Variants in GRIN2A observed in about 807,000 individuals in gnomAD.
The protein encoded by GRIN2A is glutamate ionotropic receptor NMDA type subunit 2A.
GRIN2A carries 22 observed loss-of-function variants against 113.4 expected under a neutral mutation model. That is an observed-to-expected ratio of 0.19 (90% CI 0.14 to 0.28). The LOEUF (loss-of-function observed/expected upper bound fraction) is 0.28, where lower values mean the gene tolerates loss of function less well. Among genes scored for constraint, GRIN2A ranks in the 10% least tolerant of loss-of-function variants. The pLI, the probability that GRIN2A is intolerant of heterozygous loss-of-function variation, is 1.00. For missense variants in GRIN2A, 1,502 were observed against 1,887.0 expected (o/e 0.80, Z 3.78); for synonymous variants, 827 against 738.4 (o/e 1.12, Z -1.94).
chr16:9,993,909 G>A lies in GRIN2A; in HGVS notation c.415-55358C>T, dbSNP rs545926395. 2.6e-5 allele frequency among the ~76,000 whole-genome samples: 4 copies of A among 152,232 alleles called. No homozygotes were observed. The South Asian group carries it at 6.2e-4, about 24-fold the overall frequency. Reference sequence around the variant, plus strand: ...TGTTTTTGCTCCTGGCTCAGATTTCGGACACATCATTGTAATCCTCTGGTC... The same window carrying A: ...TGTTTTTGCTCCTGGCTCAGATTTCAGACACATCATTGTAATCCTCTGGTC... On this transcript the variant is annotated intron_variant, in intron 2 of 12. Transcript: ENST00000330684.
In GRIN2A at chr16:10,140,052, G is replaced by T. The variant is rs1287817302; in HGVS notation, c.414+39946C>A. Among the ~76,000 whole-genome samples the T allele has an allele frequency of 2.0e-5, 3 of 152,068 alleles. No homozygotes were observed. In the East Asian group the frequency reaches 5.8e-4, roughly 29 times the overall value. On this transcript the variant is annotated intron_variant, in intron 2 of 12. Coordinates refer to ENST00000330684, the MANE Select transcript of GRIN2A (RefSeq NM_001134407.3). Reference sequence around the variant, plus strand: ...TAAGGCCTGGCATAATTCAAATTCTGCCCTGTAATCAGGCTGTCCCAGGCA... The same window carrying T: ...TAAGGCCTGGCATAATTCAAATTCTTCCCTGTAATCAGGCTGTCCCAGGCA...
At chr16:9,853,133 G>A (rs1021702303) in intron 4 of GRIN2A, among the ~76,000 whole-genome samples, 5 of 152,170 alleles carry the variant, frequency 3.3e-5, no homozygotes, top group Admixed American at 6.5e-5. Flanking sequence ...GAGTTGCATC[G>A]TGGCAGTTGT....
intron 2 of GRIN2A, among the ~76,000 whole-genome samples, chr16:10,155,656 A>G (rs12185150): frequency 0.044 from 6,654 of 152,298 alleles, 238 homozygotes; most frequent in Middle Eastern, 0.071. Context: ...GGAGACTGGT[A>G]ACTTATAAGG....
At chr16:10,158,036 ACT>A (rs2142315108) in intron 2 of GRIN2A, among the ~76,000 whole-genome samples, 1 of 152,090 alleles carries the variant, frequency 6.6e-6, no homozygotes, top group South Asian at 2.1e-4. Flanking sequence ...ACAGGATCTC[ACT>A]CTGTCACCAA....
Position 9,968,084 on chromosome 16 carries a change from C to T in GRIN2A, c.415-29533G>A, listed in dbSNP as rs373933726. ...CAGTGGGTAGGCGTTATTATTGCAACGTGATTCTTACTCCCATTTTGCAGG... is the reference window on the plus strand; with the variant it reads ...CAGTGGGTAGGCGTTATTATTGCAATGTGATTCTTACTCCCATTTTGCAGG... On this transcript the variant is annotated intron_variant, in intron 2 of 12. Transcript: ENST00000330684. 9.2e-5 allele frequency among the ~76,000 whole-genome samples: 14 copies of T among 152,106 alleles called. No individual in the cohort carries two copies. The East Asian group carries it at 9.7e-4, about 11-fold the overall frequency.
chr16:10,023,762 CA>C (rs1231170259), intron 2 of GRIN2A, among the ~76,000 whole-genome samples: 1 of 152,222 alleles, frequency 6.6e-6, no homozygotes, highest in Non-Finnish European at 1.5e-5. Flanking sequence ...CAAGTCCACT[CA>C]TTTGCACTGG....
At chr16:9,844,445 G>T (rs998059248) in intron 5 of GRIN2A, among the ~76,000 whole-genome samples, 1 of 152,202 alleles carries the variant, frequency 6.6e-6, no homozygotes, top group Non-Finnish European at 1.5e-5. Context: ...GGGAACGTCT[G>T]TTGGTTCCTA....
intron 2 of GRIN2A, among the ~76,000 whole-genome samples, chr16:10,089,487 G>A (rs2048144868): frequency 6.6e-6 from 1 of 152,056 alleles, no homozygotes; most frequent in South Asian, 2.1e-4. Context: ...GTTCCAGGAG[G>A]GCAGTTGATA....
intron 2 of GRIN2A, among the ~76,000 whole-genome samples, chr16:10,140,342 A>G (rs1324438747): frequency 6.6e-6 from 1 of 152,114 alleles, no homozygotes; most frequent in Non-Finnish European, 1.5e-5. Context: ...AAGGTGAGGA[A>G]CTTCAGAAGA....
intron 2 of GRIN2A, among the ~76,000 whole-genome samples, chr16:10,029,195 T>A (rs2046881349): frequency 6.8e-6 from 1 of 146,308 alleles, no homozygotes; most frequent in Non-Finnish European, 1.5e-5. Context: ...TTGCACACAC[T>A]TTTTTTTTTT....
intron 4 of GRIN2A, among the ~76,000 whole-genome samples, chr16:9,872,290 G>A (rs2043278805): frequency 6.6e-6 from 1 of 152,140 alleles, no homozygotes; most frequent in South Asian, 2.1e-4. Flanking sequence ...ACCCCAAACA[G>A]CTCAGCTCCT....
chr16:9,908,181 C>T (rs896810626), intron 3 of GRIN2A, among the ~76,000 whole-genome samples: 4 of 152,096 alleles, frequency 2.6e-5, no homozygotes, highest in Admixed American at 2.0e-4. Context: ...GTTTCACACC[C>T]GGACATGGAT....
intron 2 of GRIN2A, among the ~76,000 whole-genome samples, chr16:9,974,876 G>A (rs368841747): frequency 2.6e-5 from 4 of 152,136 alleles, no homozygotes; most frequent in African/African-American, 9.7e-5. Context: ...CCAGTACTAT[G>A]CTGAATAGAA....
At chr16:9,824,448 A>C (rs1019970571) in intron 9 of GRIN2A, among the ~76,000 whole-genome samples, 2 of 152,184 alleles carry the variant, frequency 1.3e-5, no homozygotes, top group East Asian at 3.9e-4. Flanking sequence ...GGCCTATTTG[A>C]CTAAATGCCT....
chr16:9,825,797 T>G (rs1300884546), intron 9 of GRIN2A, among the ~76,000 whole-genome samples: 1 of 152,138 alleles, frequency 6.6e-6, no homozygotes, highest in African/African-American at 2.4e-5. Context: ...AGCAGCACAG[T>G]GCCCAGAGAC....
At chr16:10,026,076 T>C (rs1314544095) in intron 2 of GRIN2A, among the ~76,000 whole-genome samples, 2 of 152,164 alleles carry the variant, frequency 1.3e-5, no homozygotes, top group African/African-American at 2.4e-5. Context: ...AGAATCTCTG[T>C]ATGCTCACTA....
At chr16:9,884,960 A>G (rs2043559958) in intron 4 of GRIN2A, among the ~76,000 whole-genome samples, 2 of 151,542 alleles carry the variant, frequency 1.3e-5, no homozygotes, top group African/African-American at 4.9e-5. Context: ...GATGGTCTCC[A>G]TCTCCTGACC....
chr16:10,068,039 T>C (rs118033199), intron 2 of GRIN2A, among the ~76,000 whole-genome samples: 5 of 152,356 alleles, frequency 3.3e-5, no homozygotes, highest in Non-Finnish European at 5.9e-5. Flanking sequence ...ATCTGTGGGA[T>C]AGATGAGATG....
chr16:9,787,323 T>A (rs1330650897), intron 11 of GRIN2A, among the ~76,000 whole-genome samples: 2 of 152,174 alleles, frequency 1.3e-5, no homozygotes, highest in African/African-American at 4.8e-5. Flanking sequence ...TTCCAGGCAT[T>A]TCTATAATAA....
Sources: allele counts gnomAD v4.1 joint callset (sites outside exome capture counted in the v4.1 genomes callset), GRCh38; gene constraint gnomAD v4.1.1; transcripts MANE v1.5; gene names NCBI Gene and HGNC (gene_info 2026-07-23, HGNC 2026-07-21).